The following ZNF678 variants were observed in gnomAD, a reference collection of about 807,000 sequenced individuals.
ZNF678 encodes hypothetical protein MGC42493.
In ZNF678, 5 loss-of-function variants were observed where a neutral mutation model predicts 3.0. The ratio of observed to expected loss-of-function variants is 1.69; its 90% CI spans 0.88 to 3.56. ZNF678 has a LOEUF of 3.56. Among genes scored for constraint, ZNF678 ranks in the 30% most tolerant of loss-of-function variants. The probability of loss-of-function intolerance (pLI) is 0.00; values close to 1 mark genes in which losing one functional copy is unlikely to be tolerated. For missense variants in ZNF678, 593 were observed against 605.0 expected (o/e 0.98, Z 0.21); for synonymous variants, 218 against 199.6 (o/e 1.09, Z -0.78).
intron 1 of ZNF678, among the ~76,000 whole-genome samples, chr1:227,639,701 G>A (rs1558151636): frequency 6.6e-6 from 1 of 152,210 alleles, no homozygotes. Flanking sequence ...CCCAGTGGGG[G>A]TCCTGGTTGG....
chr1:227,624,899 G>A (rs3010188), intron 1 of ZNF678, among the ~76,000 whole-genome samples: 31,296 of 152,146 alleles, frequency 0.21, 3,341 homozygotes, highest in East Asian at 0.25. Flanking sequence ...GTGGTGGACG[G>A]CAAGTGAAAG....
chr1:227,565,044 C>G (rs1239686932), intron 1 of ZNF678, among the ~76,000 whole-genome samples: 2 of 127,002 alleles, frequency 1.6e-5, no homozygotes, highest in Non-Finnish European at 3.3e-5. Context: ...GTTGTTTTTT[C>G]CCTACCCGGC....
At chr1:227,595,744 TCAAAAC>T (rs2102743825) in intron 1 of ZNF678, among the ~76,000 whole-genome samples, 1 of 151,708 alleles carries the variant, frequency 6.6e-6, no homozygotes, top group South Asian at 2.1e-4. Context: ...CCAAGCCAGG[TCAAAAC>T]CAAAACCAAA....
At chr1:227,563,798 G>C in intron 1 of ZNF678, 74 bp downstream of exon 1, 1 of 1,275,624 alleles carries the variant, frequency 7.8e-7, no homozygotes, top group Non-Finnish European at 1.0e-6. Flanking sequence ...CCGCGGCCCG[G>C]AGTCCCGGCT....
intron 1 of ZNF678, among the ~76,000 whole-genome samples, chr1:227,596,456 A>G (rs751239406): frequency 1.1e-4 from 17 of 152,174 alleles, no homozygotes; most frequent in African/African-American, 2.7e-4. Context: ...GATTTTTACA[A>G]TGCTCTTCCA....
chr1:227,595,892 A>G (rs542023909), intron 1 of ZNF678, among the ~76,000 whole-genome samples: 1 of 152,308 alleles, frequency 6.6e-6, no homozygotes, highest in East Asian at 1.9e-4. Context: ...CAAGCAATTT[A>G]AACCAAGTCA....
rs1659361854 is a variant in ZNF678 at position 227,660,094 on chromosome 1, A to G, written c.*4266A>G. 2 of 152,106 alleles carry G rather than the reference A, an allele frequency of 1.3e-5. No individual in the cohort carries two copies. Among genetic ancestry groups the G allele is most frequent in the Non-Finnish European group, 2.9e-5 (2 of 68,002 alleles). 9.4% of individuals were successfully genotyped at this position (152,106 alleles called of 1,614,324 possible). The stretch of plus-strand genomic sequence containing the variant: ...GTTTAGATTCCACGTGAGTGAGACC[A>G]TGAGGTATTCATCTTTCTGTGTTCT... On this transcript the variant is annotated 3_prime_UTR_variant, in exon 4 of 4. Transcript: ENST00000343776.
chr1:227,588,210 A>G (rs559903402), intron 1 of ZNF678, among the ~76,000 whole-genome samples: 38 of 152,142 alleles, frequency 2.5e-4, no homozygotes, highest in South Asian at 1.7e-3. Context: ...CATGTACTAT[A>G]TTTTCTTTAT....
At chr1:227,670,753 G>T (rs1659586740) in intron 5 of ZNF678, among the ~76,000 whole-genome samples, 1 of 152,184 alleles carries the variant, frequency 6.6e-6, no homozygotes, top group Admixed American at 6.5e-5. Context: ...GCTCTGTGAA[G>T]GGCTGCCCTA....
intron 1 of ZNF678, among the ~76,000 whole-genome samples, chr1:227,599,556 CAT>C (rs1657681699): frequency 6.6e-6 from 1 of 152,010 alleles, no homozygotes; most frequent in African/African-American, 2.4e-5. Context: ...AAAATTATGT[CAT>C]AAAATATGAG....
chr1:227,624,933 C>T lies in ZNF678; in HGVS notation c.-163-21611C>T, dbSNP rs142806543. 3.9e-5 allele frequency among the ~76,000 whole-genome samples: 6 copies of T among 152,274 alleles called. No homozygotes were observed. In the South Asian group the frequency reaches 1.2e-3, roughly 32 times the overall value. ...AGCTCAGCTCGAGCCGCAACAAACG[C>T]GGACCGGAAGAGTGTGCAGTTGCAA... On this transcript the variant is annotated intron_variant, in intron 1 of 3. Transcript: ENST00000343776.
intron 1 of ZNF678, among the ~76,000 whole-genome samples, chr1:227,632,656 C>T (rs1658576230): frequency 6.6e-6 from 1 of 152,164 alleles, no homozygotes; most frequent in Admixed American, 6.5e-5. Flanking sequence ...AGTCTTGAGT[C>T]TGGCAGCCAC....
intron 3 of ZNF678, among the ~76,000 whole-genome samples, chr1:227,652,312 T>C (rs1219648293): frequency 6.6e-6 from 1 of 152,204 alleles, no homozygotes; most frequent in African/African-American, 2.4e-5. Flanking sequence ...ATCTTCTTTC[T>C]TCCTGCCGCT....
chr1:227,625,419 T>A (rs1658385771), intron 1 of ZNF678, among the ~76,000 whole-genome samples: 1 of 152,178 alleles, frequency 6.6e-6, no homozygotes, highest in Admixed American at 6.5e-5. Context: ...GTCATCAACA[T>A]TGGAGCATGG....
At chr1:227,644,514 T>G (rs778826100) in intron 1 of ZNF678, among the ~76,000 whole-genome samples, 1 of 152,216 alleles carries the variant, frequency 6.6e-6, no homozygotes, top group Non-Finnish European at 1.5e-5. Context: ...AATATTTGTA[T>G]TGGGCTAAGA....
chr1:227,625,813 A>G (rs1658398511), intron 1 of ZNF678, among the ~76,000 whole-genome samples: 1 of 151,898 alleles, frequency 6.6e-6, no homozygotes, highest in Non-Finnish European at 1.5e-5. Context: ...CTTGAACTCC[A>G]CCCCCATCAG....
intron 1 of ZNF678, among the ~76,000 whole-genome samples, chr1:227,592,160 G>A (rs187053458): frequency 3.7e-4 from 56 of 152,302 alleles, no homozygotes; most frequent in Admixed American, 1.9e-3. Flanking sequence ...GCAAGGTGGC[G>A]GGGTTTAGGG....
chr1:227,674,354 G>T (rs1923821), intron 5 of ZNF678, among the ~76,000 whole-genome samples: 35,061 of 152,026 alleles, frequency 0.23, 4,406 homozygotes, highest in East Asian at 0.44. Context: ...TAAACTCAGA[G>T]TAAATGATAA....
chr1:227,655,525 A>G lies in ZNF678; in HGVS notation c.1275A>G (p.Arg425=), dbSNP rs1354023392. The G allele has an allele frequency of 2.5e-6, 4 of 1,612,792 alleles. No individual in the cohort carries two copies. Among genetic ancestry groups the G allele is most frequent in the Non-Finnish European group, 3.4e-6 (4 of 1,179,428 alleles). ...KQCSHLTSHK[R]IHTGEKPYKC... ...GCTCTCACCTAACTAGCCATAAGAGAATTCATACTGGAGAGAAACCCTACA... is the reference window on the plus strand; with the variant it reads ...GCTCTCACCTAACTAGCCATAAGAGGATTCATACTGGAGAGAAACCCTACA... The change falls in exon 4 of 4, where the codon AGA becomes AGG. Residue 425 remains arginine (R), a synonymous_variant. Transcript: ENST00000343776.
Sources: allele counts gnomAD v4.1 joint callset (sites outside exome capture counted in the v4.1 genomes callset), GRCh38; gene constraint gnomAD v4.1.1; transcripts MANE v1.5; gene names NCBI Gene and HGNC (gene_info 2026-07-23, HGNC 2026-07-21).